NDUFB1: variants seen among roughly 807,000 people sequenced by gnomAD.
NDUFB1 encodes the protein NADH:ubiquinone oxidoreductase subunit B1.
NDUFB1 carries 6 observed loss-of-function variants against 6.7 expected under a neutral mutation model. That is an observed-to-expected ratio of 0.89 (90% confidence interval 0.49 to 1.76). NDUFB1 has a LOEUF of 1.76. Among genes scored for constraint, NDUFB1 ranks in the 40% most tolerant of loss-of-function variants. The probability of loss-of-function intolerance (pLI) is 0.01; values close to 1 mark genes in which losing one functional copy is unlikely to be tolerated. For missense variants in NDUFB1, 56 were observed against 71.0 expected (o/e 0.79, Z 0.76); for synonymous variants, 17 against 22.9 (o/e 0.74, Z 0.74).
chr14:92,120,645 C>G (rs2068751729), intron 1 of NDUFB1, among the ~76,000 whole-genome samples: 1 of 150,316 alleles, frequency 6.7e-6, no homozygotes, highest in Admixed American at 6.6e-5. Context: ...CCACCGCGCC[C>G]GGCCGTTCAA....
chr14:92,121,618 G>T, intron 1 of NDUFB1, 24 bp downstream of exon 1: 1 of 1,611,666 alleles, frequency 6.2e-7, no homozygotes, highest in Non-Finnish European at 8.5e-7. Flanking sequence ...CGTCGCGGCG[G>T]CCCCCCGGGC....
intron 1 of NDUFB1, chr14:92,118,979 A>G: frequency 2.8e-6 from 1 of 360,086 alleles, no homozygotes; most frequent in Non-Finnish European, 5.2e-6. Context: ...GTCTCAGAAA[A>G]AAAAGAAAGA....
chr14:92,118,527 C>T (rs1596116239), intron 1 of NDUFB1: 1 of 151,980 alleles, frequency 6.6e-6, no homozygotes, highest in East Asian at 1.9e-4. Context: ...AATGCAAAAA[C>T]AAATTTAATA....
chr14:92,119,969 C>T (rs886954555), intron 1 of NDUFB1, among the ~76,000 whole-genome samples: 1 of 152,006 alleles, frequency 6.6e-6, no homozygotes. Context: ...CTATGTTGCC[C>T]AGGCTGGTCT....
intron 1 of NDUFB1, 57 bp downstream of exon 1, chr14:92,121,585 C>T: frequency 1.9e-6 from 3 of 1,608,920 alleles, no homozygotes; most frequent in East Asian, 2.2e-5. Flanking sequence ...TAGAACCCTC[C>T]CCGCCACCGT....
intron 1 of NDUFB1, among the ~76,000 whole-genome samples, chr14:92,119,920 A>C (rs946735275): frequency 2.6e-5 from 4 of 152,108 alleles, no homozygotes; most frequent in African/African-American, 9.7e-5. Context: ...AATTTAAAAA[A>C]ATTCTTTAAA....
intron 1 of NDUFB1, 161 bp from the exon 2 acceptor site, chr14:92,117,803 GC>G (rs370798807): frequency 1.3e-5 from 9 of 688,856 alleles, no homozygotes; most frequent in African/African-American, 1.3e-4. Flanking sequence ...TTCGAGACCA[GC>G]CTGGCCAACA....
chr14:92,117,857 G>A (rs1374210544), intron 1 of NDUFB1: 2 of 506,458 alleles, frequency 3.9e-6, no homozygotes, highest in Non-Finnish European at 7.1e-6. Flanking sequence ...AATTAGCCGG[G>A]TGTGGTGGTG....
At chr14:92,118,769 T>C (rs2068732995) in intron 1 of NDUFB1, 1 of 165,428 alleles carries the variant, frequency 6.0e-6, no homozygotes, top group Non-Finnish European at 1.3e-5. Context: ...AGGTCAGGAG[T>C]TCGAGACCAG....
intron 2 of NDUFB1, among the ~76,000 whole-genome samples, chr14:92,116,719 A>AACTTTT (rs2068720474): frequency 6.6e-6 from 1 of 152,166 alleles, no homozygotes. Flanking sequence ...TCATGATTTT[A>AACTTTT]ACTTTTACCA....
At chr14:92,117,289 A>T (rs1567010940) in intron 2 of NDUFB1, among the ~76,000 whole-genome samples, 1 of 152,242 alleles carries the variant, frequency 6.6e-6, no homozygotes, top group African/African-American at 2.4e-5. Context: ...GACCTGAAAC[A>T]GCCTATTCAT....
At chr14:92,117,007 C>A (rs936147834) in intron 2 of NDUFB1, among the ~76,000 whole-genome samples, 2 of 152,222 alleles carry the variant, frequency 1.3e-5, no homozygotes, top group Admixed American at 6.5e-5. Context: ...CTCTCTGCTG[C>A]CAGAGGAGCC....
At position 92,117,524 on chromosome 14, in the gene NDUFB1, G is replaced by C. The variant is rs1179013274; in HGVS notation, c.114C>G (p.Phe38Leu). ...DRKSDERLTA[F>L]RNKSMLFKRE... ...TTTTAAATAACATACTCTTGTTCCGGAAGGCAGTTAGCCGTTCATCACTCT... is the reference window on the plus strand; with the variant it reads ...TTTTAAATAACATACTCTTGTTCCGCAAGGCAGTTAGCCGTTCATCACTCT... Residue 38 changes from phenylalanine to leucine, a missense_variant, in exon 2 of 3, where the codon TTC becomes TTG. Coordinates refer to ENST00000605997, the MANE Select transcript of NDUFB1 (RefSeq NM_004545.4). The C allele has an allele frequency of 1.9e-6, 3 of 1,613,052 alleles. 1 individual carries two copies. The highest frequency in any genetic ancestry group is 1.7e-6 in the Non-Finnish European group (2 of 1,179,986).
intron 1 of NDUFB1, chr14:92,118,007 A>C (rs538664291): frequency 3.0e-5 from 7 of 233,596 alleles, no homozygotes; most frequent in Non-Finnish European, 5.1e-5. Context: ...CAATAAAATA[A>C]ATAAATTGCA....
chr14:92,117,401 G>T, intron 2 of NDUFB1, 97 bp downstream of exon 2: 2 of 1,258,660 alleles, frequency 1.6e-6, no homozygotes, highest in Non-Finnish European at 2.3e-6. Context: ...AAGTCCTCAA[G>T]GGGGAAAAAT....
chr14:92,121,529 A>G (rs998555598), intron 1 of NDUFB1, 113 bp downstream of exon 1: 24 of 1,464,810 alleles, frequency 1.6e-5, no homozygotes, highest in Non-Finnish European at 2.1e-5. Flanking sequence ...AGCCCCGGGG[A>G]AGCCCAGACC....
intron 1 of NDUFB1, among the ~76,000 whole-genome samples, chr14:92,119,554 C>CTGAG (rs1482109048): frequency 5.9e-5 from 9 of 152,094 alleles, no homozygotes; most frequent in African/African-American, 1.9e-4. Context: ...CTTTTAAATG[C>CTGAG]TGAGTTTCCA....
At chr14:92,116,266 T>C (rs769795035) in intron 2 of NDUFB1, 37 bp from the exon 3 acceptor site, 2 of 1,582,946 alleles carry the variant, frequency 1.3e-6, no homozygotes, top group East Asian at 4.5e-5. Flanking sequence ...ATGGAAAAAC[T>C]GTAAATAAAA....
intron 2 of NDUFB1, among the ~76,000 whole-genome samples, chr14:92,116,765 T>C (rs552613994): frequency 6.6e-6 from 1 of 152,380 alleles, no homozygotes; most frequent in East Asian, 1.9e-4. Context: ...TAAAGAATTG[T>C]AATTACTTAG....
Sources: allele counts gnomAD v4.1 joint callset (sites outside exome capture counted in the v4.1 genomes callset), GRCh38; gene constraint gnomAD v4.1.1; transcripts MANE v1.5; gene names NCBI Gene and HGNC (gene_info 2026-07-23, HGNC 2026-07-21).